PCBD1: variants seen among roughly 807,000 people sequenced by gnomAD.
PCBD1 encodes the protein pterin-4-alpha-carbinolamine dehydratase.
A neutral mutation model predicts 12.6 loss-of-function variants in PCBD1; 16 were observed. The observed-to-expected ratio is 1.27, with a 90% confidence interval of 0.86 to 1.93. The LOEUF is 1.93. PCBD1 is among the 30% of genes most tolerant of loss of function. The pLI is 0.00. For missense variants in PCBD1, 86 were observed against 130.1 expected (o/e 0.66, Z 1.65); for synonymous variants, 53 against 50.2 (o/e 1.05, Z -0.23).
At chr10:70,883,296 G>A (rs912768851), downstream of PCBD1, among the ~76,000 whole-genome samples, 4 of 152,156 alleles carry the variant, frequency 2.6e-5, no homozygotes, top group African/African-American at 9.7e-5. Context: ...TAGTTAATTG[G>A]TAATTGGTAA....
intron 1 of PCBD1, 128 bp downstream of exon 1, chr10:70,888,403 C>T: frequency 9.3e-7 from 1 of 1,080,210 alleles, no homozygotes; most frequent in Non-Finnish European, 1.2e-6. Context: ...GCAGAGACCC[C>T]ACTTTCGGAC....
chr10:70,883,348 C>T (rs1846527297), downstream of PCBD1, among the ~76,000 whole-genome samples: 2 of 152,016 alleles, frequency 1.3e-5, no homozygotes, highest in Admixed American at 1.3e-4. Flanking sequence ...AAATGGTATC[C>T]CCTAGATGAT....
In PCBD1 at chr10:70,883,916, T is replaced by G. The variant is rs764040694; in HGVS notation, c.*34A>C. On this transcript the variant is annotated 3_prime_UTR_variant, in exon 4 of 4. Coordinates refer to ENST00000299299, the MANE Select transcript of PCBD1 (RefSeq NM_000281.4). The stretch of plus-strand genomic sequence containing the variant: ...CTGGACTCCCAGTTCAGTCACCCCT[T>G]CCCCCGGAAGAATTCAAAGAGGAAG... 5 of 1,602,294 alleles carry G rather than the reference T, an allele frequency of 3.1e-6. No individual in the cohort carries two copies. In the South Asian group the frequency reaches 5.6e-5, roughly 18 times the overall value.
intron 3 of PCBD1, 80 bp from the exon 4 acceptor site, chr10:70,884,128 T>A: frequency 5.6e-6 from 8 of 1,427,332 alleles, no homozygotes; most frequent in African/African-American, 1.4e-5. Flanking sequence ...GGCTCAGCCC[T>A]GCTAGGAGCT....
Position 70,883,646 on chromosome 10 carries a change from G to T in PCBD1, c.*304C>A. The stretch of plus-strand genomic sequence containing the variant: ...ACAGCTTCCTGGGAAATGAATTAGG[G>T]AGCAAGAGACGGCCTGGCAAGAAAA... On this transcript the variant is annotated 3_prime_UTR_variant, in exon 4 of 4. Coordinates refer to ENST00000299299, the MANE Select transcript of PCBD1 (RefSeq NM_000281.4). 1 of 1,269,246 alleles carries T rather than the reference G, an allele frequency of 7.9e-7. No individual in the cohort carries two copies. The highest frequency in any genetic ancestry group is 1.0e-6 in the Non-Finnish European group (1 of 995,140). 78.6% of individuals were successfully genotyped at this position (1,269,246 alleles called of 1,614,324 possible). A position where few individuals can be genotyped will look rare whatever the true frequency, so the allele number is the denominator to read the frequency against.
intron 1 of PCBD1, 112 bp from the exon 2 acceptor site, chr10:70,886,041 T>C: frequency 4.3e-6 from 6 of 1,384,926 alleles, no homozygotes; most frequent in Admixed American, 1.9e-5. Context: ...TGGACGTGGG[T>C]GACCAAAGGG....
chr10:70,882,391 G>A (rs1846511456), downstream of PCBD1: 1 of 152,244 alleles, frequency 6.6e-6, no homozygotes, highest in African/African-American at 2.4e-5. Context: ...ATGTGATTAT[G>A]GAGGCTGACA....
chr10:70,885,113 T>C, intron 3 of PCBD1, 39 bp downstream of exon 3: 2 of 1,545,030 alleles, frequency 1.3e-6, no homozygotes, highest in Non-Finnish European at 1.8e-6. Flanking sequence ...AGTATTTGGA[T>C]GGGGGCAGAG....
chr10:70,883,586 G>T lies in PCBD1; in HGVS notation c.*364C>A. 8.5e-7 allele frequency: 1 copy of T among 1,179,682 alleles called. No homozygotes were observed. Among genetic ancestry groups the T allele is most frequent in the Non-Finnish European group, 1.1e-6 (1 of 940,208 alleles). 73.1% of individuals were successfully genotyped at this position (1,179,682 alleles called of 1,614,324 possible). A position where few individuals can be genotyped will look rare whatever the true frequency, so the allele number is the denominator to read the frequency against. The stretch of plus-strand genomic sequence containing the variant: ...TACATAGTGTGGGGTTTAGGGTCCT[G>T]GTTTCTAAGACAAGACTTTATTTCA... On this transcript the variant is annotated 3_prime_UTR_variant, in exon 4 of 4. Transcript: ENST00000299299.
At chr10:70,884,478 ATTTTTTTTTT>A (rs71012255) in intron 3 of PCBD1, among the ~76,000 whole-genome samples, 2 of 108,466 alleles carry the variant, frequency 1.8e-5, no homozygotes, top group African/African-American at 3.7e-5. Flanking sequence ...ATGTGTCTGT[ATTTTTTTTTT>A]TTTTTTTTTT....
intron 1 of PCBD1, among the ~76,000 whole-genome samples, chr10:70,887,088 G>A (rs1030846800): frequency 6.6e-6 from 1 of 152,056 alleles, no homozygotes; most frequent in Non-Finnish European, 1.5e-5. Flanking sequence ...TTTGAGACCC[G>A]CTTTCACCAT....
intron 1 of PCBD1, chr10:70,887,792 A>T (rs1258378727): frequency 6.6e-6 from 1 of 152,154 alleles, no homozygotes; most frequent in Non-Finnish European, 1.5e-5. Context: ...CCTCACAAAC[A>T]GCCCCACTCA....
chr10:70,885,851 G>A lies in PCBD1; in HGVS notation c.82C>T (p.Leu28=), dbSNP rs1333083767. Residue 28 remains leucine (L), a synonymous_variant, in exon 2 of 4, where the codon CTG becomes TTG. Transcript: ENST00000299299. ...TTGAAGATGGCATCACGGCCTTCCA[G>A]CTCATTCCACCCCACAGCCCTCAGG... The part of the protein sequence containing the change: ...PNLRAVGWNE[L]EGRDAIFKQF... The A allele has an allele frequency of 6.2e-7, 1 of 1,614,036 alleles. No individual in the cohort carries two copies. Among genetic ancestry groups the A allele is most frequent in the Non-Finnish European group, 8.5e-7 (1 of 1,179,986 alleles).
In PCBD1 at chr10:70,884,013, G is replaced by A. The variant is rs550539552; in HGVS notation, c.252C>T (p.Gly84=). The part of the protein sequence containing the change: ...HITLSTHECA[G]LSERDINLAS... ...CCAGGTTTATGTCCCGTTCTGAAAGGCCGGCACACTCATGGGTGCTCAGCG... is the reference window on the plus strand; with the variant it reads ...CCAGGTTTATGTCCCGTTCTGAAAGACCGGCACACTCATGGGTGCTCAGCG... The change falls in exon 4 of 4, where the codon GGC becomes GGT. Residue 84 remains glycine, a synonymous_variant. Transcript: ENST00000299299. The A allele has an allele frequency of 4.3e-6, 7 of 1,614,088 alleles. No homozygotes were observed. In the South Asian group the frequency reaches 5.5e-5, roughly 13 times the overall value.
chr10:70,888,448 C>A (rs1846623716), intron 1 of PCBD1, 83 bp downstream of exon 1: 1 of 1,420,332 alleles, frequency 7.0e-7, no homozygotes, highest in Non-Finnish European at 9.3e-7. Context: ...AAAAGACTTT[C>A]CCCCGCCCCT....
downstream of PCBD1, among the ~76,000 whole-genome samples, chr10:70,883,106 T>C (rs1564635780): frequency 2.0e-5 from 3 of 152,314 alleles, no homozygotes; most frequent in South Asian, 6.2e-4. Flanking sequence ...CACACCCTTA[T>C]CTGTGTTCAT....
Position 70,883,550 on chromosome 10 carries a change from T to G in PCBD1, c.*400A>C. 6.3e-6 allele frequency: 7 copies of G among 1,108,770 alleles called. No homozygotes were observed. The highest frequency in any genetic ancestry group is 7.8e-6 in the Non-Finnish European group (7 of 901,440). The allele number at this position is 1,108,770 out of a possible 1,614,324, so 68.7% of individuals were successfully genotyped here. ...GTTTTATTTGAGACATAAAAACACA[T>G]GTGTTTCTATTACATAGTGTGGGGT... On this transcript the variant is annotated 3_prime_UTR_variant, in exon 4 of 4. Transcript: ENST00000299299.
chr10:70,885,630 C>T (rs1186891277), intron 2 of PCBD1, among the ~76,000 whole-genome samples, 168 bp downstream of exon 2: 1 of 152,258 alleles, frequency 6.6e-6, no homozygotes, highest in Non-Finnish European at 1.5e-5. Flanking sequence ...ATGATACTTT[C>T]TGAGTTAGAC....
chr10:70,888,168 T>A (rs1846617647), intron 1 of PCBD1: 1 of 212,636 alleles, frequency 4.7e-6, no homozygotes, highest in Non-Finnish European at 9.3e-6. Flanking sequence ...CCCACCCCAG[T>A]ATAAAGCAGA....
Sources: allele counts gnomAD v4.1 joint callset (sites outside exome capture counted in the v4.1 genomes callset), GRCh38; gene constraint gnomAD v4.1.1; transcripts MANE v1.5; gene names NCBI Gene and HGNC (gene_info 2026-07-23, HGNC 2026-07-21).